The following UXS1 variants were observed in gnomAD, a reference collection of about 807,000 sequenced individuals.
UXS1 encodes UDP-glucuronate decarboxylase 1.
UXS1 carries 33 observed loss-of-function variants against 62.6 expected under a neutral mutation model. The observed-to-expected ratio is 0.53, with a 90% CI of 0.40 to 0.70. The LOEUF is 0.70. Ranked by LOEUF, UXS1 falls within the 30% of genes least tolerant of loss-of-function variation. The pLI is 0.00. For synonymous variants in UXS1, 213 were observed against 206.8 expected (o/e 1.03, Z -0.26); for missense variants, 434 against 556.3 (o/e 0.78, Z 2.21).
intron 7 of UXS1, among the ~76,000 whole-genome samples, chr2:106,128,386 T>G (rs1165130625): frequency 1.3e-5 from 2 of 152,230 alleles, no homozygotes; most frequent in African/African-American, 4.8e-5. Context: ...GGCCACAGGA[T>G]GCCCAGGTAT....
intron 7 of UXS1, among the ~76,000 whole-genome samples, chr2:106,126,954 T>C (rs551356682): frequency 2.0e-4 from 30 of 152,232 alleles, no homozygotes; most frequent in African/African-American, 6.7e-4. Context: ...CAATTCTCCA[T>C]GTCTATAATT....
At chr2:106,192,674 G>C (rs991663514) in intron 1 of UXS1, among the ~76,000 whole-genome samples, 5 of 152,102 alleles carry the variant, frequency 3.3e-5, no homozygotes, top group Non-Finnish European at 5.9e-5. Flanking sequence ...TCGAAGACCT[G>C]GGTTCTAGCT....
chr2:106,144,313 C>T (rs1681383008), intron 6 of UXS1, among the ~76,000 whole-genome samples: 1 of 152,172 alleles, frequency 6.6e-6, no homozygotes, highest in African/African-American at 2.4e-5. Flanking sequence ...AAATTAACAC[C>T]ATGGCTGCTT....
intron 4 of UXS1, among the ~76,000 whole-genome samples, chr2:106,161,734 A>G (rs961096713): frequency 1.3e-5 from 2 of 152,248 alleles, no homozygotes; most frequent in Non-Finnish European, 2.9e-5. Flanking sequence ...AAGAACATTT[A>G]AAGATACAGA....
intron 1 of UXS1, among the ~76,000 whole-genome samples, chr2:106,181,549 T>A (rs1558757791): frequency 1.3e-5 from 2 of 151,894 alleles, no homozygotes; most frequent in Admixed American, 1.3e-4. Context: ...TGAAACCCTG[T>A]CTCAACTAAA....
At chr2:106,109,301 A>C (rs1678381053) in intron 10 of UXS1, among the ~76,000 whole-genome samples, 2 of 152,236 alleles carry the variant, frequency 1.3e-5, no homozygotes, top group Non-Finnish European at 2.9e-5. Flanking sequence ...TTTCCGCCAC[A>C]AACGAAGGCC....
chr2:106,114,871 T>G (rs1304913773), intron 9 of UXS1, among the ~76,000 whole-genome samples: 2 of 152,204 alleles, frequency 1.3e-5, no homozygotes, highest in African/African-American at 4.8e-5. Context: ...AAGCCTAAAC[T>G]CCTTACATGA....
At chr2:106,155,369 G>C (rs76755032) in intron 5 of UXS1, among the ~76,000 whole-genome samples, 12,763 of 152,228 alleles carry the variant, frequency 0.084, 1,036 homozygotes, top group East Asian at 0.33. Context: ...TCTTTAGGCT[G>C]AAAGCAAGTG....
chr2:106,194,172 T>C lies in UXS1; in HGVS notation c.70A>G (p.Ile24Val). 1 of 1,476,098 alleles carries C rather than the reference T, an allele frequency of 6.8e-7. No individual in the cohort carries two copies. The highest frequency in any genetic ancestry group is 9.0e-7 in the Non-Finnish European group (1 of 1,110,624). 91.4% of individuals were successfully genotyped at this position (1,476,098 alleles called of 1,614,324 possible). The stretch of plus-strand genomic sequence containing the variant: ...CAGGCGACGTAGGCCAGCAAGGCGA[T>C]GCCCAGCAGCAGCTTCATCCTCCTG... ...NRRRMKLLLG[I>V]ALLAYVASVW... Residue 24 changes from isoleucine to valine, a missense_variant, in exon 1 of 15, where the codon ATC (isoleucine) becomes GTC (valine). Coordinates refer to ENST00000283148, the MANE Select transcript of UXS1 (RefSeq NM_001253875.2).
intron 1 of UXS1, among the ~76,000 whole-genome samples, chr2:106,186,910 A>C (rs1337526204): frequency 6.6e-6 from 1 of 152,148 alleles, no homozygotes; most frequent in Non-Finnish European, 1.5e-5. Context: ...TATATCTTAG[A>C]TATTATTTTG....
intron 6 of UXS1, among the ~76,000 whole-genome samples, chr2:106,142,918 CATGT>C: frequency 9.0e-6 from 1 of 111,600 alleles, no homozygotes; most frequent in East Asian, 2.6e-4. Context: ...TGTGTGTTTG[CATGT>C]ATGTGTGTGT....
intron 1 of UXS1, among the ~76,000 whole-genome samples, chr2:106,178,024 ACTC>A (rs1558754448): frequency 6.6e-6 from 1 of 152,002 alleles, no homozygotes; most frequent in Non-Finnish European, 1.5e-5. Context: ...TGCCAGAAGA[ACTC>A]CTCTGTACAA....
At chr2:106,180,209 A>G (rs1471511073) in intron 1 of UXS1, among the ~76,000 whole-genome samples, 1 of 152,260 alleles carries the variant, frequency 6.6e-6, no homozygotes, top group African/African-American at 2.4e-5. Context: ...AAGACATTCT[A>G]CAAATGGTAC....
chr2:106,136,435 T>G (rs1375512925), intron 6 of UXS1, among the ~76,000 whole-genome samples: 2 of 132,444 alleles, frequency 1.5e-5, no homozygotes, highest in African/African-American at 5.8e-5. Flanking sequence ...TGACTATAAA[T>G]CATGCTGCTA....
At chr2:106,149,585 C>T (rs1230351666) in intron 5 of UXS1, among the ~76,000 whole-genome samples, 1 of 152,142 alleles carries the variant, frequency 6.6e-6, no homozygotes, top group Non-Finnish European at 1.5e-5. Flanking sequence ...CAGGTCACAA[C>T]CCCTTGATCT....
Position 106,094,030 on chromosome 2 carries a change from C to G in UXS1, c.1274G>C (p.Ser425Thr), listed in dbSNP as rs1425813351. The G allele has an allele frequency of 6.2e-7, 1 of 1,611,632 alleles. No individual in the cohort carries two copies. The highest frequency in any genetic ancestry group is 1.1e-5 in the South Asian group (1 of 90,638). Reference sequence around the variant, plus strand: ...TGTGTCCTAAAAGTGAGGAGTTCAGCTGTGGCGAGTCCGTCCTTTCTTTAT... The same window carrying G: ...TGTGTCCTAAAAGTGAGGAGTTCAGGTGTGGCGAGTCCGTCCTTTCTTTAT... ...ARIKKGRTRH[S>T] The change falls in exon 15 of 15, where the codon AGC becomes ACC. Residue 425 changes from serine (S) to threonine (T), a missense_variant. Ser to Thr is a moderately conservative substitution (Grantham distance 58). Coordinates refer to ENST00000283148, the MANE Select transcript of UXS1 (RefSeq NM_001253875.2).
chr2:106,138,410 C>T (rs1680834858), intron 6 of UXS1: 1 of 985,532 alleles, frequency 1.0e-6, no homozygotes, highest in South Asian at 4.7e-5. Flanking sequence ...TGATGCTCTC[C>T]ACAGTGTGGA....
At chr2:106,145,476 C>CA in intron 5 of UXS1, 106 bp from the exon 6 acceptor site, 1 of 1,392,392 alleles carries the variant, frequency 7.2e-7, no homozygotes, top group Non-Finnish European at 9.5e-7. Context: ...CGACTTAAAA[C>CA]TCAGGAGCAA....
chr2:106,119,971 C>T (rs1020199666), intron 9 of UXS1, among the ~76,000 whole-genome samples: 2 of 152,096 alleles, frequency 1.3e-5, no homozygotes, highest in African/African-American at 4.8e-5. Flanking sequence ...CTATACCTGG[C>T]AAAATATCCT....
Sources: allele counts gnomAD v4.1 joint callset (sites outside exome capture counted in the v4.1 genomes callset), GRCh38; gene constraint gnomAD v4.1.1; transcripts MANE v1.5; gene names NCBI Gene and HGNC (gene_info 2026-07-23, HGNC 2026-07-21).